Variants in PLCD1 observed in about 807,000 individuals in gnomAD.
PLCD1 encodes the protein 1-phosphatidylinositol 4,5-bisphosphate phosphodiesterase delta-1.
Under a neutral mutation model 87.4 loss-of-function variants are expected in PLCD1, and 71 were observed. That is an observed-to-expected ratio of 0.81 (90% CI 0.67 to 0.99). The LOEUF is 0.99. Among genes scored for constraint, PLCD1 ranks in the 50% least tolerant of loss-of-function variants. PLCD1 has a pLI of 0.00. For synonymous variants in PLCD1, 348 were observed against 399.2 expected, an observed-to-expected ratio of 0.87 and a Z score of 1.53; for missense variants, 867 against 1,001.5, an observed-to-expected ratio of 0.87 and a Z score of 1.81.
In PLCD1 at chr3:38,011,332, T is replaced by G. The variant is rs766813585; in HGVS notation, c.672A>C (p.Ser224=). ...IDRTFAEAAG[S]GETLSVDQLV... ...ACTGATCCACCGACAGAGTCTCCCC[T>G]GAGCCCGCGGCCTCGGCGAAGGTGC... The change falls in exon 5 of 15, where the codon TCA becomes TCC. Residue 224 remains serine, a synonymous_variant. Coordinates refer to ENST00000334661, the MANE Select transcript of PLCD1 (RefSeq NM_006225.4). 1 of 1,612,410 alleles carries G rather than the reference T, an allele frequency of 6.2e-7. No individual in the cohort carries two copies. Among genetic ancestry groups the G allele is most frequent in the Non-Finnish European group, 8.5e-7 (1 of 1,180,032 alleles).
intron 11 of PLCD1, 173 bp downstream of exon 11, chr3:38,008,869 T>G (rs969632296): frequency 7.5e-6 from 5 of 663,906 alleles, no homozygotes; most frequent in Non-Finnish European, 1.3e-5. Context: ...TCAGACACTG[T>G]GACATGCTGG....
In PLCD1 at chr3:38,011,310, G is replaced by C; in HGVS notation, c.694C>G (p.Gln232Glu). The C allele has an allele frequency of 1.2e-6, 2 of 1,612,192 alleles. No individual in the cohort carries two copies. The highest frequency in any genetic ancestry group is 1.7e-6 in the Non-Finnish European group (2 of 1,180,038). Reference protein sequence around the residue: ...AGSGETLSVDQLVTFLQHQQR... With the variant: ...AGSGETLSVDELVTFLQHQQR... Reference sequence around the variant, plus strand: ...TGGTGCTGCAGGAACGTCACTAACTGATCCACCGACAGAGTCTCCCCTGAG... The same window carrying C: ...TGGTGCTGCAGGAACGTCACTAACTCATCCACCGACAGAGTCTCCCCTGAG... The change falls in exon 5 of 15, where the codon CAG (glutamine) becomes GAG (glutamate). Residue 232 changes from glutamine to glutamate, a missense_variant. Transcript: ENST00000334661.
chr3:38,024,493 G>A (rs1700281590), intron 1 of PLCD1: 3 of 1,563,000 alleles, frequency 1.9e-6, no homozygotes, highest in East Asian at 2.4e-5. Context: ...CGCCTCCAGT[G>A]TTTTATGCTC....
chr3:38,029,506 C>G lies in PLCD1; in HGVS notation c.34G>C (p.Gly12Arg). 6.5e-7 allele frequency: 1 copy of G among 1,539,408 alleles called. No individual in the cohort carries two copies. The highest frequency in any genetic ancestry group is 8.7e-7 in the Non-Finnish European group (1 of 1,146,380). The change falls in exon 1 of 15, where the codon GGC becomes CGC. Residue 12 changes from glycine (G) to arginine (R), a missense_variant and splice_region_variant. Physicochemically the swap from Gly to Arg is moderately radical, Grantham distance 125 (BLOSUM62 -2). Transcript: ENST00000334661. ...CCGCTCGCGCGGGCCAGGCACTCAC[C>G]GTGCAGGGTCAGGAAGTCCCGGCCC... is the stretch of plus-strand genomic sequence containing the variant. The part of the protein sequence containing the change: ...DSGRDFLTLH[G>R]LQDDEDLQAL...
At position 38,017,860 on chromosome 3, in the gene PLCD1, A is replaced by C. The variant is rs1281208301; in HGVS notation, c.200-1141T>G. On this transcript the variant is annotated intron_variant, in intron 2 of 14. Transcript: ENST00000334661. This position sits in a 1 kb window ranked among gnomAD's most constrained non-coding sequence, Gnocchi z 4.7. ...GAGTGGGACACATGAGCCCAGGGCC[A>C]TGTGGGGGACAGAGGATAGCACGGC... 2.0e-5 allele frequency among the ~76,000 whole-genome samples: 3 copies of C among 152,184 alleles called. No homozygotes were observed. Among genetic ancestry groups the C allele is most frequent in the African/African-American group, 4.8e-5 (2 of 41,448 alleles).
intron 3 of PLCD1, among the ~76,000 whole-genome samples, chr3:38,015,740 G>A (rs764420987): frequency 2.6e-5 from 4 of 152,174 alleles, no homozygotes; most frequent in Admixed American, 6.5e-5. Context: ...GAGCTCACAG[G>A]CTGGCCTACA....
In PLCD1 at chr3:38,008,129, A is replaced by T; in HGVS notation, c.2070T>A (p.Phe690Leu). The change falls in exon 14 of 15, where the codon TTT (phenylalanine) becomes TTA (leucine). Residue 690 changes from phenylalanine (F) to leucine (L), a missense_variant. Phe to Leu is a conservative substitution (Grantham distance 22). Transcript: ENST00000334661. ...GGGCAAGGTCAGGCACAACTACCTCAAACGCAAACTCCGTGTCCCACCATG... is the reference window on the plus strand; with the variant it reads ...GGGCAAGGTCAGGCACAACTACCTCTAACGCAAACTCCGTGTCCCACCATG... ...FNPWWDTEFA[F>L]EVVVPDLALI... 2 of 1,614,016 alleles carry T rather than the reference A, an allele frequency of 1.2e-6. No homozygotes were observed. The highest frequency in any genetic ancestry group is 2.2e-5 in the South Asian group (2 of 91,082).
intron 3 of PLCD1, among the ~76,000 whole-genome samples, chr3:38,015,622 A>G (rs1267327017): frequency 6.6e-6 from 1 of 152,254 alleles, no homozygotes; most frequent in Non-Finnish European, 1.5e-5. Flanking sequence ...GCCATAAAAA[A>G]TGGAGAGAGC....
At position 38,020,265 on chromosome 3, in the gene PLCD1, A is replaced by C; in HGVS notation, c.122T>G (p.Phe41Cys). The change falls in exon 2 of 15, where the codon TTC becomes TGC. Residue 41 changes from phenylalanine to cysteine, a missense_variant. Transcript: ENST00000334661. The stretch of plus-strand genomic sequence containing the variant: ...CTTGCAGTCCTCCTGCAACTTGTAG[A>C]AGCGCTCTCTCCTCCATGAGCTGGA... ...VKSSSWRRER[F>C]YKLQEDCKTI... 6.2e-7 allele frequency: 1 copy of C among 1,614,040 alleles called. No individual in the cohort carries two copies. The highest frequency in any genetic ancestry group is 2.2e-5 in the East Asian group (1 of 44,880).
chr3:38,017,474 C>T lies in PLCD1; in HGVS notation c.200-755G>A, dbSNP rs367855843. Among the ~76,000 whole-genome samples the T allele has an allele frequency of 2.1e-3, 326 of 152,274 alleles. No homozygotes were observed. Among genetic ancestry groups the T allele is most frequent in the African/African-American group, 7.5e-3 (312 of 41,566 alleles). Reference sequence around the variant, plus strand: ...TCTCCTGCAGGGTTCTGAGAGATTACATCATTCTGCCCTTAGGGGAGCCAA... The same window carrying T: ...TCTCCTGCAGGGTTCTGAGAGATTATATCATTCTGCCCTTAGGGGAGCCAA... On this transcript the variant is annotated intron_variant, in intron 2 of 14. Coordinates refer to ENST00000334661, the MANE Select transcript of PLCD1 (RefSeq NM_006225.4). This position sits in a 1 kb window ranked among gnomAD's most constrained non-coding sequence, Gnocchi z 4.7.
rs1012588570 is a variant in PLCD1, at chr3:38,018,340, C to T, written c.200-1621G>A. 6.6e-6 allele frequency among the ~76,000 whole-genome samples: 1 copy of T among 152,076 alleles called. No homozygotes were observed. The highest frequency in any genetic ancestry group is 1.5e-5 in the Non-Finnish European group (1 of 67,992). ...CCTCAGGCCTTGCTCCATACCTGCGCACACCTGGCTCCCTGACCCTGGACC... is the reference window on the plus strand; with the variant it reads ...CCTCAGGCCTTGCTCCATACCTGCGTACACCTGGCTCCCTGACCCTGGACC... On this transcript the variant is annotated intron_variant, in intron 2 of 14. Coordinates refer to ENST00000334661, the MANE Select transcript of PLCD1 (RefSeq NM_006225.4). The surrounding 1 kb of genome is among the most constrained non-coding windows in gnomAD (Gnocchi z 5.7).
chr3:38,019,946 G>A (rs1263883781), intron 2 of PLCD1, among the ~76,000 whole-genome samples: 1 of 152,104 alleles, frequency 6.6e-6, no homozygotes, highest in African/African-American at 2.4e-5. Context: ...TTCCATGACT[G>A]CCCTCTCCAG....
At position 38,029,590 on chromosome 3, in the gene PLCD1, C is replaced by G; in HGVS notation, c.-51G>C. ...GGCACCGCGGGACTCACTTGAGTAG[C>G]GACAGCACCGGCGGCCTGGGGTCCG... On this transcript the variant is annotated 5_prime_UTR_variant, in exon 1 of 15. Transcript: ENST00000334661. 1 of 1,517,900 alleles carries G rather than the reference C, an allele frequency of 6.6e-7. No homozygotes were observed. The allele number at this position is 1,517,900 out of a possible 1,614,324, so 94.0% of individuals were successfully genotyped here.
At position 38,010,355 on chromosome 3, in the gene PLCD1, C is replaced by A; in HGVS notation, c.992+6G>T. The A allele has an allele frequency of 6.2e-7, 1 of 1,614,212 alleles. No individual in the cohort carries two copies. The highest frequency in any genetic ancestry group is 8.5e-7 in the Non-Finnish European group (1 of 1,180,038). ...GACTCCCGACCCAAGGCTCCCTGAG[C>A]AGCACCGGATGTAGGCTTCAGTGCT... is the stretch of plus-strand genomic sequence containing the variant. On this transcript the variant is annotated splice_donor_region_variant and intron_variant, in intron 6 of 14. Transcript: ENST00000334661.
intron 3 of PLCD1, among the ~76,000 whole-genome samples, 178 bp downstream of exon 3, chr3:38,016,313 C>A (rs1360971378): frequency 6.6e-6 from 1 of 152,214 alleles, no homozygotes; most frequent in African/African-American, 2.4e-5. Flanking sequence ...GGCTCCCTGA[C>A]CTTGGACTTC....
rs1359729113 is a variant in PLCD1 at position 38,010,127 on chromosome 3, C to G, written c.1137+4G>C. 1 of 1,614,126 alleles carries G rather than the reference C, an allele frequency of 6.2e-7. No homozygotes were observed. The highest frequency in any genetic ancestry group is 8.5e-7 in the Non-Finnish European group (1 of 1,180,052). ...CACTCCTCACCTGCCAGGGGCACTC[C>G]CACCTTGAAGGCATAGTCCCGGATG... On this transcript the variant is annotated splice_donor_region_variant and intron_variant, in intron 7 of 14. Transcript: ENST00000334661.
chr3:38,021,484 G>A (rs532897437), intron 1 of PLCD1, among the ~76,000 whole-genome samples: 1 of 152,258 alleles, frequency 6.6e-6, no homozygotes, highest in East Asian at 1.9e-4. Flanking sequence ...CAGACAGGAG[G>A]CACCAAAAGG....
chr3:38,016,577 C>T lies in PLCD1; in HGVS notation c.342G>A (p.Ser114=), dbSNP rs1159533728. The change falls in exon 3 of 15, where the codon TCG becomes TCA. Residue 114 remains serine (S), a synonymous_variant. Coordinates refer to ENST00000334661, the MANE Select transcript of PLCD1 (RefSeq NM_006225.4). Reference sequence around the variant, plus strand: ...GCACCCAGTGCTGGGCATCAGCTGGCGATGGGGCGATGAGGTCTAGTGTAT... The same window carrying T: ...GCACCCAGTGCTGGGCATCAGCTGGTGATGGGGCGATGAGGTCTAGTGTAT... ...QRNTLDLIAP[S]PADAQHWVLG... is the part of the protein sequence containing the mutation. 1.9e-5 allele frequency: 30 copies of T among 1,613,882 alleles called. No individual in the cohort carries two copies. Among genetic ancestry groups the T allele is most frequent in the East Asian group, 4.5e-5 (2 of 44,868 alleles).
Position 38,007,576 on chromosome 3 carries a change from C to A in PLCD1, c.*197G>T. The A allele has an allele frequency of 1.4e-6, 1 of 699,104 alleles. No individual in the cohort carries two copies. Among genetic ancestry groups the A allele is most frequent in the South Asian group, 1.5e-5 (1 of 66,658 alleles). 43.3% of individuals were successfully genotyped at this position (699,104 alleles called of 1,614,324 possible). The stretch of plus-strand genomic sequence containing the variant: ...GAGAGGGCTGCAGTGTTATTCCTAA[C>A]GGAATGAAGGACAGCTCCAGGGACT... On this transcript the variant is annotated 3_prime_UTR_variant, in exon 15 of 15. Transcript: ENST00000334661.
Sources: allele counts gnomAD v4.1 joint callset (sites outside exome capture counted in the v4.1 genomes callset), GRCh38; gene constraint gnomAD v4.1.1; non-coding constraint Gnocchi (gnomAD v3.1); transcripts MANE v1.5; gene names NCBI Gene and HGNC (gene_info 2026-07-23, HGNC 2026-07-21).